The following SLC25A53 variants were observed in gnomAD, a reference collection of about 807,000 sequenced individuals.
SLC25A53 encodes the protein solute carrier family 25 member 53.
In SLC25A53, 5 loss-of-function variants were observed where a neutral mutation model predicts 15.0. The observed-to-expected ratio is 0.33, with a 90% CI of 0.17 to 0.70. SLC25A53 has a LOEUF of 0.70. Among genes scored for constraint, SLC25A53 ranks in the 30% least tolerant of loss-of-function variants. The pLI is 0.67. For synonymous variants in SLC25A53, 95 were observed against 100.0 expected (o/e 0.95, Z 0.30); for missense variants, 216 against 241.6 (o/e 0.89, Z 0.70).
rs1439403632 is a variant in SLC25A53, at chrX:104,103,061, C to G, written c.*1273G>C. 9.3e-6 allele frequency: 1 copy of G among 107,157 alleles called. No individual in the cohort carries two copies. The highest frequency in any genetic ancestry group is 1.9e-5 in the Non-Finnish European group (1 of 52,187). The allele number at this position is 107,157 out of a possible 1,213,427, so 8.8% of individuals were successfully genotyped here. ...CTGAGGCAGGAGAATCACTTGAATC[C>G]GGGAGGTGGAGGTTGCAGTGAGCTG... On this transcript the variant is annotated 3_prime_UTR_variant, in exon 2 of 2. Coordinates refer to ENST00000594199, the MANE Select transcript of SLC25A53 (RefSeq NM_001012755.5).
At chrX:104,124,839 C>A (rs868969770) in intron 1 of SLC25A53, among the ~76,000 whole-genome samples, 1 of 62,276 alleles carries the variant, frequency 1.6e-5, no homozygotes. Flanking sequence ...AACTTTTTTC[C>A]TTTTTTTTTT....
intron 1 of SLC25A53, chrX:104,114,855 T>G (rs898634884): frequency 2.5e-6 from 3 of 1,208,335 alleles, no homozygotes; most frequent in Non-Finnish European, 3.4e-6. Context: ...CTGTGGCATT[T>G]CAGGGCGCCC....
intron 1 of SLC25A53, among the ~76,000 whole-genome samples, chrX:104,112,345 C>A (rs2075350231): frequency 8.8e-6 from 1 of 113,365 alleles, no homozygotes; most frequent in Non-Finnish European, 1.9e-5. Context: ...CCAGTCCGTG[C>A]GTCCGAGCTG....
chrX:104,139,381 G>T (rs1005752315), intron 1 of SLC25A53, among the ~76,000 whole-genome samples: 2 of 112,280 alleles, frequency 1.8e-5, no homozygotes, highest in Non-Finnish European at 1.9e-5. Flanking sequence ...GCTGGGCGTG[G>T]TGGCACATGC....
chrX:104,120,417 C>T lies in SLC25A53; in HGVS notation c.-31-15129G>A, dbSNP rs782445498. ...CATAACTTTTGCTTGAGGTTTTGTA[C>T]GTCTATTATTACATTTAGTTCAAGG... On this transcript the variant is annotated intron_variant, in intron 1 of 1. Transcript: ENST00000594199. Among the ~76,000 whole-genome samples the T allele has an allele frequency of 1.1e-3, 125 of 111,923 alleles. 3 individuals are homozygous for T. Among genetic ancestry groups the T allele is most frequent in the Non-Finnish European group, 1.8e-3 (96 of 53,177 alleles).
intron 1 of SLC25A53, among the ~76,000 whole-genome samples, chrX:104,108,580 C>G (rs1418774274): frequency 9.0e-6 from 1 of 111,023 alleles, no homozygotes; most frequent in African/African-American, 3.3e-5. Context: ...GAGAGCCTGG[C>G]CCCTTCACAT....
chrX:104,130,885 C>T (rs1214393932), intron 1 of SLC25A53: 1 of 111,688 alleles, frequency 9.0e-6, no homozygotes, highest in East Asian at 2.8e-4. Flanking sequence ...GCCCAATGTT[C>T]CAGTTATATA....
chrX:104,110,828 A>G (rs2075337429), intron 1 of SLC25A53, among the ~76,000 whole-genome samples: 1 of 112,407 alleles, frequency 8.9e-6, no homozygotes, highest in Admixed American at 9.3e-5. Context: ...TGAGCCAGGA[A>G]ATGAAAGAGC....
rs373453841 is a variant in SLC25A53, at chrX:104,102,848, A to G, written c.*1486T>C. The stretch of plus-strand genomic sequence containing the variant: ...TGAAGTGCTGTTAGAAAGGGGCATC[A>G]CAGAGGCTGGGCGCGGTGGCTCACG... On this transcript the variant is annotated 3_prime_UTR_variant, in exon 2 of 2. Transcript: ENST00000594199. 1 of 112,119 alleles carries G rather than the reference A, an allele frequency of 8.9e-6. No homozygotes were observed. Among genetic ancestry groups the G allele is most frequent in the African/African-American group, 3.2e-5 (1 of 30,883 alleles). 9.2% of individuals were successfully genotyped at this position (112,119 alleles called of 1,213,427 possible). A position where few individuals can be genotyped will look rare whatever the true frequency, so the allele number is the denominator to read the frequency against.
rs376348257 is a variant in SLC25A53 at position 104,105,205 on chromosome X, G to A, written c.53C>T (p.Ala18Val). 2.5e-6 allele frequency: 3 copies of A among 1,210,475 alleles called. No homozygotes were observed. Among genetic ancestry groups the A allele is most frequent in the South Asian group, 1.8e-5 (1 of 56,834 alleles). The change falls in exon 2 of 2, where the codon GCA (alanine) becomes GTA (valine). Residue 18 changes from alanine (A) to valine (V), a missense_variant. Transcript: ENST00000594199. ...CCAGCTTTTCTTTCCTGGAGCCTCTGCTCGCGTCCTGTGCTGAAGCTCCTT... is the reference window on the plus strand; with the variant it reads ...CCAGCTTTTCTTTCCTGGAGCCTCTACTCGCGTCCTGTGCTGAAGCTCCTT... The part of the protein sequence containing the change: ...PGKELQHRTR[A>V]EAPGKKSWHS...
intron 1 of SLC25A53, among the ~76,000 whole-genome samples, chrX:104,116,125 G>C (rs1204069602): frequency 1.8e-5 from 2 of 109,352 alleles, no homozygotes; most frequent in African/African-American, 6.7e-5. Flanking sequence ...GAACGGGGGG[G>C]GGACAAAAAT....
intron 1 of SLC25A53, among the ~76,000 whole-genome samples, chrX:104,124,841 T>G (rs1231462324): frequency 4.4e-5 from 3 of 67,549 alleles, no homozygotes; most frequent in Non-Finnish European, 1.0e-4. Flanking sequence ...CTTTTTTCCT[T>G]TTTTTTTTTT....
intron 1 of SLC25A53, chrX:104,130,510 G>A (rs2075423097): frequency 9.0e-6 from 1 of 111,033 alleles, no homozygotes; most frequent in Admixed American, 9.6e-5. Flanking sequence ...ATATTCTCTC[G>A]ACTCTAGTAC....
intron 1 of SLC25A53, among the ~76,000 whole-genome samples, chrX:104,147,063 C>A (rs1192061855): frequency 8.9e-6 from 1 of 111,732 alleles, no homozygotes; most frequent in Non-Finnish European, 1.9e-5. Flanking sequence ...TACTACAAGG[C>A]TAAAGTAACC....
intron 1 of SLC25A53, among the ~76,000 whole-genome samples, chrX:104,125,760 T>C (rs1027912694): frequency 8.9e-6 from 1 of 111,737 alleles, no homozygotes; most frequent in East Asian, 2.8e-4. Flanking sequence ...ATGAGGACAC[T>C]GAGGCTGCAG....
chrX:104,127,701 C>T (rs782491627), intron 1 of SLC25A53, among the ~76,000 whole-genome samples: 3 of 112,000 alleles, frequency 2.7e-5, no homozygotes, highest in South Asian at 3.7e-4. Context: ...TGGTGGCTCA[C>T]GCCTGTAATC....
At chrX:104,134,444 T>C (rs999090391) in intron 1 of SLC25A53, among the ~76,000 whole-genome samples, 1 of 111,208 alleles carries the variant, frequency 9.0e-6, no homozygotes, top group African/African-American at 3.3e-5. Context: ...ACCCCCTCAC[T>C]CCCCACATCT....
At chrX:104,148,416 C>T (rs1374119867) in intron 1 of SLC25A53, among the ~76,000 whole-genome samples, 13 of 108,491 alleles carry the variant, frequency 1.2e-4, no homozygotes, top group African/African-American at 2.7e-4. Flanking sequence ...CAAACCCGCA[C>T]GTTGTGCACA....
chrX:104,153,971 A>T (rs1325006485), intron 1 of SLC25A53, among the ~76,000 whole-genome samples: 1 of 112,374 alleles, frequency 8.9e-6, no homozygotes, highest in Non-Finnish European at 1.9e-5. Context: ...CTCAAATAAC[A>T]AAAGCAAAAC....
Sources: gnomAD v4.1 joint callset for allele counts (sites outside exome capture counted in the v4.1 genomes callset) on GRCh38, gnomAD v4.1.1 for gene constraint, MANE v1.5 for transcripts, NCBI Gene and HGNC (gene_info 2026-07-23, HGNC 2026-07-21) for gene names.